The following KDF1 variants were observed in gnomAD, a reference collection of about 807,000 sequenced individuals.
KDF1 encodes the protein RP11-344H11.3.
Under a neutral mutation model 31.6 loss-of-function variants are expected in KDF1, and 11 were observed. The ratio of observed to expected loss-of-function variants is 0.35; its 90% confidence interval spans 0.22 to 0.58. KDF1 has a LOEUF of 0.58. KDF1 is among the 20% of genes least tolerant of loss of function. The pLI is 0.83. For missense variants in KDF1, 476 were observed against 549.1 expected, an observed-to-expected ratio of 0.87 and a Z score of 1.33; for synonymous variants, 205 against 214.4, an observed-to-expected ratio of 0.96 and a Z score of 0.38.
chr1:26,952,226 T>C lies in KDF1; in HGVS notation c.155A>G (p.His52Arg), dbSNP rs2082355168. ...GAAGGTAATGCTCTCTGGCCCATGG[T>C]GGCCAGGGTCCTTGGGGTCTGGTCT... Reference protein sequence around the residue: ...TRRPDPKDPGHHGPESITFIS... With the variant: ...TRRPDPKDPGRHGPESITFIS... Residue 52 changes from histidine to arginine, a missense_variant, in exon 2 of 4, where the codon CAC (histidine) becomes CGC (arginine). By Grantham distance (29) the His-to-Arg change is conservative. Around this residue, in one of 2 missense-constraint regions of KDF1, gnomAD observed 330 missense variants for 332.3 expected, o/e 0.99. Coordinates refer to ENST00000320567, the MANE Select transcript of KDF1 (RefSeq NM_152365.3). This position sits in a 1 kb window ranked among gnomAD's most constrained non-coding sequence, Gnocchi z 4.1. 2 of 1,607,472 alleles carry C rather than the reference T, an allele frequency of 1.2e-6. No individual in the cohort carries two copies. The highest frequency in any genetic ancestry group is 2.7e-5 in the African/African-American group (2 of 74,790).
chr1:26,952,374 G>A lies in KDF1; in HGVS notation c.7C>T (p.Arg3Cys), dbSNP rs1306424911. Residue 3 changes from arginine to cysteine, a missense_variant, in exon 2 of 4, where the codon CGC (arginine) becomes TGC (cysteine). By Grantham distance (180) the Arg-to-Cys change is radical. Coordinates refer to ENST00000320567, the MANE Select transcript of KDF1 (RefSeq NM_152365.3). The surrounding 1 kb of genome is among the most constrained non-coding windows in gnomAD (Gnocchi z 4.1). ...GATGCTGGGCGGGGGTGTCCAGGGC[G>A]GGGCATGGCTCATTGCATGGTTTGT... MPRPGHPRPASGP... is the reference protein window; with the variant it reads MPCPGHPRPASGP... The A allele has an allele frequency of 6.6e-6, 10 of 1,504,472 alleles. No individual in the cohort carries two copies. The highest frequency in any genetic ancestry group is 1.3e-5 in the South Asian group (1 of 75,046). 93.2% of individuals were successfully genotyped at this position (1,504,472 alleles called of 1,614,324 possible). A position where few individuals can be genotyped will look rare whatever the true frequency, so the allele number is the denominator to read the frequency against.
intron 1 of KDF1, among the ~76,000 whole-genome samples, chr1:26,958,422 C>A (rs79598313): frequency 1.6e-4 from 24 of 152,214 alleles, no homozygotes; most frequent in Middle Eastern, 3.4e-3. Context: ...CGTGAGCCAC[C>A]GCGCCCGGCC....
chr1:26,952,637 C>A lies in KDF1; in HGVS notation c.-32-225G>T, dbSNP rs2082358255. On this transcript the variant is annotated intron_variant, in intron 1 of 3. Coordinates refer to ENST00000320567, the MANE Select transcript of KDF1 (RefSeq NM_152365.3). This position sits in a 1 kb window ranked among gnomAD's most constrained non-coding sequence, Gnocchi z 4.1. ...CAAAGAGAAAGTCTCTGTGGTCTAACCCAGATTTCAAAATTCCCTGTGACT... is the reference window on the plus strand; with the variant it reads ...CAAAGAGAAAGTCTCTGTGGTCTAAACCAGATTTCAAAATTCCCTGTGACT... Among the ~76,000 whole-genome samples the A allele has an allele frequency of 2.0e-5, 3 of 151,798 alleles. No homozygotes were observed. The South Asian group carries it at 6.2e-4, about 31-fold the overall frequency.
chr1:26,957,440 T>G (rs2124164178), intron 1 of KDF1, among the ~76,000 whole-genome samples: 1 of 152,254 alleles, frequency 6.6e-6, no homozygotes, highest in South Asian at 2.1e-4. Flanking sequence ...GACCCTGAAG[T>G]GCAGGGACTG....
Position 26,951,480 on chromosome 1 carries a change from T to C in KDF1, c.901A>G (p.Ile301Val), listed in dbSNP as rs1182987192. Residue 301 changes from isoleucine (I) to valine (V), a missense_variant, in exon 2 of 4, where the codon ATC (isoleucine) becomes GTC (valine). Coordinates refer to ENST00000320567, the MANE Select transcript of KDF1 (RefSeq NM_152365.3). The surrounding 1 kb of genome is among the most constrained non-coding windows in gnomAD (Gnocchi z 5.4). The stretch of plus-strand genomic sequence containing the variant: ...CTCTTTCGGGTACTAATGCGAATGA[T>C]GCCGCGTACCAGGCGGCCCTCAGCA... ...QDAEGRLVRG[I>V]IRISTRKSRA... The C allele has an allele frequency of 6.2e-7, 1 of 1,613,832 alleles. No homozygotes were observed. Among genetic ancestry groups the C allele is most frequent in the Admixed American group, 1.7e-5 (1 of 60,028 alleles).
In KDF1 at chr1:26,951,450, C is replaced by A. The variant is rs749216836; in HGVS notation, c.931G>T (p.Ala311Ser). The part of the protein sequence containing the change: ...IIRISTRKSR[A>S]RPQTSEGRST... Reference sequence around the variant, plus strand: ...CGACCCTCCGAGGTCTGTGGGCGAGCACGGCTCTTTCGGGTACTAATGCGA... The same window carrying A: ...CGACCCTCCGAGGTCTGTGGGCGAGAACGGCTCTTTCGGGTACTAATGCGA... The change falls in exon 2 of 4, where the codon GCT becomes TCT. Residue 311 changes from alanine to serine, a missense_variant. Coordinates refer to ENST00000320567, the MANE Select transcript of KDF1 (RefSeq NM_152365.3). This position sits in a 1 kb window ranked among gnomAD's most constrained non-coding sequence, Gnocchi z 5.4. 2 of 1,613,854 alleles carry A rather than the reference C, an allele frequency of 1.2e-6. No individual in the cohort carries two copies. Among genetic ancestry groups the A allele is most frequent in the Non-Finnish European group, 1.7e-6 (2 of 1,179,882 alleles).
Position 26,952,337 on chromosome 1 carries a change from C to A in KDF1, c.44G>T (p.Arg15Leu), listed in dbSNP as rs144505487. 1.3e-6 allele frequency: 2 copies of A among 1,520,766 alleles called. No homozygotes were observed. The highest frequency in any genetic ancestry group is 1.4e-5 in the African/African-American group (1 of 71,996). 94.2% of individuals were successfully genotyped at this position (1,520,766 alleles called of 1,614,324 possible). A position where few individuals can be genotyped will look rare whatever the true frequency, so the allele number is the denominator to read the frequency against. Residue 15 changes from arginine (R) to leucine (L), a missense_variant, in exon 2 of 4, where the codon CGC (arginine) becomes CTC (leucine). This residue lies in a region of KDF1 where 330 missense variants were observed against 332.3 expected (regional missense o/e 0.99). Coordinates refer to ENST00000320567, the MANE Select transcript of KDF1 (RefSeq NM_152365.3). The surrounding 1 kb of genome is among the most constrained non-coding windows in gnomAD (Gnocchi z 4.1). ...TGTTGGCCGCTCCCACGGTCCCAAGCGTGGAGGCCCAGATGCTGGGCGGGG... is the reference window on the plus strand; with the variant it reads ...TGTTGGCCGCTCCCACGGTCCCAAGAGTGGAGGCCCAGATGCTGGGCGGGG... ...GHPRPASGPP[R>L]LGPWERPTEL... is the part of the protein sequence containing the mutation.
At position 26,952,332 on chromosome 1, in the gene KDF1, C is replaced by G; in HGVS notation, c.49G>C (p.Gly17Arg). Residue 17 changes from glycine (G) to arginine (R), a missense_variant, in exon 2 of 4, where the codon GGA (glycine) becomes CGA (arginine). By Grantham distance (125) the Gly-to-Arg change is moderately radical. Transcript: ENST00000320567. The surrounding 1 kb of genome is among the most constrained non-coding windows in gnomAD (Gnocchi z 4.1). ...AGCTCTGTTGGCCGCTCCCACGGTC[C>G]CAAGCGTGGAGGCCCAGATGCTGGG... Reference protein sequence around the residue: ...PRPASGPPRLGPWERPTELCL... With the variant: ...PRPASGPPRLRPWERPTELCL... 6.6e-7 allele frequency: 1 copy of G among 1,523,178 alleles called. No individual in the cohort carries two copies. The highest frequency in any genetic ancestry group is 8.8e-7 in the Non-Finnish European group (1 of 1,135,858). 94.4% of individuals were successfully genotyped at this position (1,523,178 alleles called of 1,614,324 possible). A position where few individuals can be genotyped will look rare whatever the true frequency, so the allele number is the denominator to read the frequency against.
chr1:26,952,180 C>A lies in KDF1; in HGVS notation c.201G>T (p.Pro67=), dbSNP rs17162368. The change falls in exon 2 of 4, where the codon CCG becomes CCT. Residue 67 remains proline, a synonymous_variant. Coordinates refer to ENST00000320567, the MANE Select transcript of KDF1 (RefSeq NM_152365.3). This position sits in a 1 kb window ranked among gnomAD's most constrained non-coding sequence, Gnocchi z 4.1. ...SITFISGSAE[P]ALESPTCCLL... is the part of the protein sequence containing the mutation. ...GGCAGCAGGTGGGGGACTCAAGGGC[C>A]GGCTCAGCAGAGCCAGAGATGAAGG... 1 of 1,613,306 alleles carries A rather than the reference C, an allele frequency of 6.2e-7. No individual in the cohort carries two copies. Among genetic ancestry groups the A allele is most frequent in the South Asian group, 1.1e-5 (1 of 91,022 alleles).
In KDF1 at chr1:26,952,327, C is replaced by G. The variant is rs139077715; in HGVS notation, c.54G>C (p.Pro18=). The change falls in exon 2 of 4, where the codon CCG becomes CCC. Residue 18 remains proline, a synonymous_variant. Transcript: ENST00000320567. This position sits in a 1 kb window ranked among gnomAD's most constrained non-coding sequence, Gnocchi z 4.1. ...GACATAGCTCTGTTGGCCGCTCCCACGGTCCCAAGCGTGGAGGCCCAGATG... is the reference window on the plus strand; with the variant it reads ...GACATAGCTCTGTTGGCCGCTCCCAGGGTCCCAAGCGTGGAGGCCCAGATG... The part of the protein sequence containing the change: ...RPASGPPRLG[P]WERPTELCLE... 2.0e-6 allele frequency: 3 copies of G among 1,524,002 alleles called. No homozygotes were observed. The highest frequency in any genetic ancestry group is 1.8e-6 in the Non-Finnish European group (2 of 1,135,910). The allele number at this position is 1,524,002 out of a possible 1,614,324, so 94.4% of individuals were successfully genotyped here.
In KDF1 at chr1:26,951,997, G is replaced by C; in HGVS notation, c.384C>G (p.Ala128=). The stretch of plus-strand genomic sequence containing the variant: ...TGGGGGGCACTCCATTGTGCTCCTT[G>C]GCCCAGTTGGCTTCAGCAGTCCCCT... ...STEGTAEANW[A]KEHNGVPPSP... The change falls in exon 2 of 4, where the codon GCC becomes GCG. Residue 128 remains alanine (A), a synonymous_variant. Transcript: ENST00000320567. This position sits in a 1 kb window ranked among gnomAD's most constrained non-coding sequence, Gnocchi z 5.4. The C allele has an allele frequency of 1.2e-6, 2 of 1,612,366 alleles. No homozygotes were observed. Among genetic ancestry groups the C allele is most frequent in the Non-Finnish European group, 1.7e-6 (2 of 1,178,972 alleles).
rs1486596051 is a variant in KDF1, at chr1:26,951,331, C to A, written c.1039+11G>T. 2 of 1,540,606 alleles carry A rather than the reference C, an allele frequency of 1.3e-6. No individual in the cohort carries two copies. The highest frequency in any genetic ancestry group is 3.8e-5 in the Admixed American group (2 of 52,316). Reference sequence around the variant, plus strand: ...TACTCTGCCCCTCAGCCCCATGGGGCCCCCACCTACCATCCTGGCTGAGAC... The same window carrying A: ...TACTCTGCCCCTCAGCCCCATGGGGACCCCACCTACCATCCTGGCTGAGAC... On this transcript the variant is annotated intron_variant, in intron 2 of 3. Coordinates refer to ENST00000320567, the MANE Select transcript of KDF1 (RefSeq NM_152365.3). This position sits in a 1 kb window ranked among gnomAD's most constrained non-coding sequence, Gnocchi z 5.4.
At chr1:26,953,454 T>C (rs762279432) in intron 1 of KDF1, among the ~76,000 whole-genome samples, 5 of 152,208 alleles carry the variant, frequency 3.3e-5, no homozygotes, top group Admixed American at 6.5e-5. Context: ...CTCAGATGTT[T>C]AGACAATGTT....
At position 26,951,333 on chromosome 1, in the gene KDF1, C is replaced by A; in HGVS notation, c.1039+9G>T. 8 of 1,545,304 alleles carry A rather than the reference C, an allele frequency of 5.2e-6. No homozygotes were observed. The highest frequency in any genetic ancestry group is 7.0e-6 in the Non-Finnish European group (8 of 1,140,762). On this transcript the variant is annotated intron_variant, in intron 2 of 3. Coordinates refer to ENST00000320567, the MANE Select transcript of KDF1 (RefSeq NM_152365.3). This position sits in a 1 kb window ranked among gnomAD's most constrained non-coding sequence, Gnocchi z 5.4. ...CTCTGCCCCTCAGCCCCATGGGGCC[C>A]CCACCTACCATCCTGGCTGAGACCT... is the stretch of plus-strand genomic sequence containing the variant.
Position 26,951,645 on chromosome 1 carries a change from T to C in KDF1, c.736A>G (p.Lys246Glu). 2 of 1,613,932 alleles carry C rather than the reference T, an allele frequency of 1.2e-6. No homozygotes were observed. The highest frequency in any genetic ancestry group is 8.5e-7 in the Non-Finnish European group (1 of 1,180,026). The part of the protein sequence containing the change: ...SREIDVLIFK[K>E]LTELFSVHQI... ...TGTACGCTGAACAGCTCTGTCAGCT[T>C]CTTGAAGATGAGCACATCAATTTCT... The change falls in exon 2 of 4, where the codon AAG becomes GAG. Residue 246 changes from lysine to glutamate, a missense_variant. Physicochemically the swap from Lys to Glu is moderately conservative, Grantham distance 56. Transcript: ENST00000320567. The surrounding 1 kb of genome is among the most constrained non-coding windows in gnomAD (Gnocchi z 5.4).
At chr1:26,959,007 T>C (rs191563971) in intron 1 of KDF1, among the ~76,000 whole-genome samples, 3 of 152,366 alleles carry the variant, frequency 2.0e-5, no homozygotes, top group Admixed American at 1.3e-4. Context: ...CAGAGGACTT[T>C]CACCTTATTT....
intron 1 of KDF1, among the ~76,000 whole-genome samples, chr1:26,958,598 T>C (rs1447756764): frequency 6.6e-6 from 1 of 152,236 alleles, no homozygotes; most frequent in Non-Finnish European, 1.5e-5. Context: ...TATTATTACC[T>C]GTATTATTAT....
chr1:26,953,962 A>G (rs1407901619), intron 1 of KDF1, among the ~76,000 whole-genome samples: 1 of 144,310 alleles, frequency 6.9e-6, no homozygotes, highest in Non-Finnish European at 1.6e-5. Flanking sequence ...CTCAAAAAAA[A>G]AAAAAAAAAG....
At chr1:26,955,542 A>G (rs1450616857) in intron 1 of KDF1, among the ~76,000 whole-genome samples, 2 of 152,198 alleles carry the variant, frequency 1.3e-5, no homozygotes, top group African/African-American at 4.8e-5. Context: ...GACTTCCTTT[A>G]CTTCATAAAC....
Sources: allele counts gnomAD v4.1 joint callset (sites outside exome capture counted in the v4.1 genomes callset), GRCh38; gene constraint gnomAD v4.1.1; regional missense constraint gnomAD v4.1.1; non-coding constraint Gnocchi (gnomAD v3.1); transcripts MANE v1.5; gene names NCBI Gene and HGNC (gene_info 2026-07-23, HGNC 2026-07-21).